RBMS3: variants seen among roughly 807,000 people sequenced by gnomAD.
RBMS3 encodes the protein RNA-binding motif, single-stranded-interacting protein 3.
Under a neutral mutation model 66.8 loss-of-function variants are expected in RBMS3, and 27 were observed. The ratio of observed to expected loss-of-function variants is 0.40; its 90% confidence interval spans 0.30 to 0.56. The LOEUF (loss-of-function observed/expected upper bound fraction) is 0.56, where lower values mean the gene tolerates loss of function less well. Among genes scored for constraint, RBMS3 ranks in the 20% least tolerant of loss-of-function variants. The probability of loss-of-function intolerance (pLI) is 0.40; values close to 1 mark genes in which losing one functional copy is unlikely to be tolerated. For missense variants in RBMS3, 513 were observed against 549.5 expected (o/e 0.93, Z 0.66); for synonymous variants, 188 against 183.0 (o/e 1.03, Z -0.22).
chr3:29,396,213 T>A (rs930028382), intron 1 of RBMS3, among the ~76,000 whole-genome samples: 1 of 152,134 alleles, frequency 6.6e-6, no homozygotes, highest in Non-Finnish European at 1.5e-5. Context: ...TCATGCATAA[T>A]CTGAATTTGA....
chr3:29,723,256 A>G (rs1576619212), intron 4 of RBMS3, among the ~76,000 whole-genome samples: 1 of 152,100 alleles, frequency 6.6e-6, no homozygotes, highest in Non-Finnish European at 1.5e-5. Flanking sequence ...GATTACAGGC[A>G]TGAGCCACCA....
chr3:29,895,014 C>A (rs1029301222), intron 8 of RBMS3, among the ~76,000 whole-genome samples: 4 of 151,416 alleles, frequency 2.6e-5, no homozygotes, highest in African/African-American at 9.7e-5. Flanking sequence ...AAAACAGTAT[C>A]ACAGAAGTAG....
At chr3:29,724,248 T>G (rs571772991) in intron 4 of RBMS3, among the ~76,000 whole-genome samples, 1 of 152,282 alleles carries the variant, frequency 6.6e-6, no homozygotes, top group South Asian at 2.1e-4. Context: ...TGGGACACAT[T>G]CTAAATAGTG....
At position 29,591,139 on chromosome 3, in the gene RBMS3, A is replaced by T. The variant is rs115838947; in HGVS notation, c.399+3934A>T. 7.8e-3 allele frequency among the ~76,000 whole-genome samples: 1,194 copies of T among 152,272 alleles called. 17 individuals are homozygous for T. Among genetic ancestry groups the T allele is most frequent in the African/African-American group, 0.027 (1,115 of 41,556 alleles). On this transcript the variant is annotated intron_variant, in intron 4 of 14. Transcript: ENST00000383767. The stretch of plus-strand genomic sequence containing the variant: ...TTGCCTCTGCAAGCAGAGAAAATTA[A>T]TAATAGTCCATCCCCTTGGCTATCC...
chr3:29,369,524 ACACACACACT>A (rs1448739157), intron 1 of RBMS3, among the ~76,000 whole-genome samples: 184 of 123,318 alleles, frequency 1.5e-3, no homozygotes, highest in African/African-American at 5.6e-3. Flanking sequence ...ACACACACAC[ACACACACACT>A]TTGAGTGAGG....
intron 6 of RBMS3, among the ~76,000 whole-genome samples, chr3:29,816,282 G>GCACACACAGA (rs68142662): frequency 2.0e-5 from 3 of 148,682 alleles, no homozygotes; most frequent in African/African-American, 7.5e-5. Flanking sequence ...CCCTGTGCGC[G>GCACACACAGA]CACACACAGA....
chr3:29,324,431 A>T (rs2035194716), intron 1 of RBMS3, among the ~76,000 whole-genome samples: 1 of 152,170 alleles, frequency 6.6e-6, no homozygotes, highest in Non-Finnish European at 1.5e-5. Context: ...AGGTCTTCTC[A>T]TGTAATTGGT....
chr3:29,839,723 AATG>A (rs1487987718), intron 6 of RBMS3, among the ~76,000 whole-genome samples: 1 of 151,848 alleles, frequency 6.6e-6, no homozygotes, highest in African/African-American at 2.4e-5. Context: ...AACACACCAA[AATG>A]ATAATAGTCA....
intron 4 of RBMS3, among the ~76,000 whole-genome samples, chr3:29,651,008 T>C (rs1378583601): frequency 2.0e-5 from 3 of 152,294 alleles, no homozygotes; most frequent in Middle Eastern, 3.4e-3. Context: ...TCAACTATTT[T>C]AGTTGTTGAT....
At chr3:29,465,798 C>A (rs59330511) in intron 2 of RBMS3, among the ~76,000 whole-genome samples, 10,567 of 152,148 alleles carry the variant, frequency 0.069, 432 homozygotes, top group East Asian at 0.15. Context: ...TTTAGTCATG[C>A]AAATTCTAAA....
chr3:29,823,610 T>C (rs2058128571), intron 6 of RBMS3, among the ~76,000 whole-genome samples: 1 of 152,212 alleles, frequency 6.6e-6, no homozygotes. Context: ...TTTAGCTGCA[T>C]GTGGCTTTTG....
intron 6 of RBMS3, among the ~76,000 whole-genome samples, chr3:29,795,594 T>A (rs900214766): frequency 5.3e-5 from 8 of 152,190 alleles, no homozygotes; most frequent in Non-Finnish European, 1.0e-4. Flanking sequence ...CAACAAATGT[T>A]TGTTGAATTA....
intron 2 of RBMS3, among the ~76,000 whole-genome samples, chr3:29,464,954 A>G (rs1470100216): frequency 6.6e-6 from 1 of 152,204 alleles, no homozygotes; most frequent in Non-Finnish European, 1.5e-5. Flanking sequence ...CATTTTAGGG[A>G]CAGAACTCAC....
At chr3:29,494,540 C>G (rs2148924461) in intron 3 of RBMS3, among the ~76,000 whole-genome samples, 1 of 152,268 alleles carries the variant, frequency 6.6e-6, no homozygotes, top group South Asian at 2.1e-4. Flanking sequence ...GACCACAGTT[C>G]TCATTCAGAT....
chr3:29,783,915 C>T (rs116764141), intron 6 of RBMS3, among the ~76,000 whole-genome samples: 3,155 of 152,110 alleles, frequency 0.021, 113 homozygotes, highest in African/African-American at 0.07. Flanking sequence ...TCAGATGAAA[C>T]AAACTTTAAA....
At chr3:29,538,280 G>A (rs572018001) in intron 3 of RBMS3, among the ~76,000 whole-genome samples, 5 of 152,198 alleles carry the variant, frequency 3.3e-5, no homozygotes, top group Non-Finnish European at 5.9e-5. Flanking sequence ...CAATTTATGC[G>A]CCCTGGATTT....
intron 5 of RBMS3, among the ~76,000 whole-genome samples, chr3:29,747,448 AGAT>A (rs201008802): frequency 5.5e-3 from 751 of 136,284 alleles, no homozygotes; most frequent in Middle Eastern, 0.02. Flanking sequence ...ATAGATAGAT[AGAT>A]GTCAGGTCAC....
intron 3 of RBMS3, among the ~76,000 whole-genome samples, chr3:29,516,167 A>G (rs1345816205): frequency 2.0e-5 from 3 of 152,214 alleles, no homozygotes; most frequent in South Asian, 4.1e-4. Context: ...TGACTTTGGC[A>G]ACTGCATCTG....
chr3:29,896,836 C>T (rs1385223105), intron 8 of RBMS3, among the ~76,000 whole-genome samples: 1 of 151,572 alleles, frequency 6.6e-6, no homozygotes, highest in African/African-American at 2.4e-5. Context: ...CTGCCAGTGC[C>T]TTGACTTAAT....
Sources: allele counts gnomAD v4.1 joint callset (sites outside exome capture counted in the v4.1 genomes callset), GRCh38; gene constraint gnomAD v4.1.1; transcripts MANE v1.5; gene names NCBI Gene and HGNC (gene_info 2026-07-23, HGNC 2026-07-21).